Variants in NRG3 observed in about 807,000 individuals in gnomAD.
NRG3 encodes the protein pro-neuregulin-3, membrane-bound isoform.
Under a neutral mutation model 66.9 loss-of-function variants are expected in NRG3, and 31 were observed. That is an observed-to-expected ratio of 0.46 (90% CI 0.35 to 0.63). The LOEUF (loss-of-function observed/expected upper bound fraction) is 0.63. Among genes scored for constraint, NRG3 ranks in the 20% least tolerant of loss-of-function variants. NRG3 has a pLI of 0.00. For missense variants in NRG3, 910 were observed against 878.9 expected (o/e 1.04, Z -0.45); for synonymous variants, 393 against 359.4 (o/e 1.09, Z -1.06).
chr10:82,698,401 GAA>G (rs550209673), intron 2 of NRG3, among the ~76,000 whole-genome samples: 7 of 151,990 alleles, frequency 4.6e-5, no homozygotes, highest in African/African-American at 1.7e-4. Flanking sequence ...CTTAACAGGG[GAA>G]AAAGTCTACT....
intron 1 of NRG3, among the ~76,000 whole-genome samples, chr10:82,273,541 A>T (rs555877926): frequency 6.6e-6 from 1 of 152,200 alleles, no homozygotes; most frequent in African/African-American, 2.4e-5. Context: ...GCCATTTGAA[A>T]TTGCAATAAT....
intron 1 of NRG3, among the ~76,000 whole-genome samples, chr10:82,294,743 A>AT (rs955877022): frequency 3.3e-4 from 50 of 152,176 alleles, no homozygotes; most frequent in African/African-American, 1.1e-3. Flanking sequence ...GTCTACTCAC[A>AT]TTTCTTTATT....
intron 2 of NRG3, among the ~76,000 whole-genome samples, chr10:82,614,009 T>A (rs1355034196): frequency 6.6e-6 from 1 of 151,962 alleles, no homozygotes; most frequent in Non-Finnish European, 1.5e-5. Flanking sequence ...TTCAAGCAAT[T>A]CTGCCTCAGC....
intron 2 of NRG3, among the ~76,000 whole-genome samples, chr10:82,674,051 T>C (rs1232390534): frequency 6.6e-6 from 1 of 152,062 alleles, no homozygotes; most frequent in African/African-American, 2.4e-5. Flanking sequence ...TATGATTTCT[T>C]GTACAAATGA....
chr10:82,480,395 G>T (rs911185595), intron 2 of NRG3, among the ~76,000 whole-genome samples: 7 of 152,116 alleles, frequency 4.6e-5, no homozygotes, highest in African/African-American at 1.4e-4. Flanking sequence ...AAATAAAAAG[G>T]ATGATATTTC....
At chr10:82,861,324 G>T (rs1029983218) in intron 3 of NRG3, among the ~76,000 whole-genome samples, 5 of 152,054 alleles carry the variant, frequency 3.3e-5, no homozygotes, top group East Asian at 1.9e-4. Flanking sequence ...AAATATAAAT[G>T]CCATCTTCCT....
In NRG3 at chr10:82,829,605, G is replaced by A. The variant is rs114147429; in HGVS notation, c.1028-35806G>A. On this transcript the variant is annotated intron_variant, in intron 3 of 8. Transcript: ENST00000372141. ...AACTAGGGAACCAATAGAGGCTTTT[G>A]ACTCATGGTCTGAGAAGATGAGAAA... Among the ~76,000 whole-genome samples, 1,433 of 152,228 alleles carry A rather than the reference G, an allele frequency of 9.4e-3. 17 individuals carry two copies. Among genetic ancestry groups the A allele is most frequent in the African/African-American group, 0.032 (1,314 of 41,540 alleles).
intron 1 of NRG3, among the ~76,000 whole-genome samples, chr10:82,342,122 TTTATG>T (rs1252546646): frequency 6.6e-6 from 1 of 151,764 alleles, no homozygotes; most frequent in Admixed American, 6.6e-5. Flanking sequence ...GAATATGGTA[TTTATG>T]TTATATATAT....
intron 1 of NRG3, among the ~76,000 whole-genome samples, chr10:82,050,480 A>G (rs2063539264): frequency 6.6e-6 from 1 of 151,800 alleles, no homozygotes; most frequent in Non-Finnish European, 1.5e-5. Flanking sequence ...GTTGTTCAGG[A>G]TTCTCATTGG....
intron 2 of NRG3, among the ~76,000 whole-genome samples, chr10:82,697,770 T>C (rs2246622): frequency 0.88 from 134,379 of 152,116 alleles, 59,633 homozygotes; most frequent in East Asian, 1. Flanking sequence ...TGCTGGTAGC[T>C]GGGTAGGGGC....
chr10:82,921,296 G>A (rs1846398215), intron 4 of NRG3, among the ~76,000 whole-genome samples: 1 of 152,052 alleles, frequency 6.6e-6, no homozygotes, highest in African/African-American at 2.4e-5. Flanking sequence ...AAAGTGTCAA[G>A]GTGATTAAAA....
chr10:82,758,201 CTG>C (rs1403823141), intron 3 of NRG3, among the ~76,000 whole-genome samples: 1 of 152,088 alleles, frequency 6.6e-6, no homozygotes, highest in Non-Finnish European at 1.5e-5. Context: ...CTCCCTGAAT[CTG>C]TGTTTTTCCA....
At chr10:82,234,544 G>T (rs1341682072) in intron 1 of NRG3, among the ~76,000 whole-genome samples, 1 of 152,108 alleles carries the variant, frequency 6.6e-6, no homozygotes, top group Non-Finnish European at 1.5e-5. Context: ...AACATTATAG[G>T]CAATCAAGGG....
intron 4 of NRG3, among the ~76,000 whole-genome samples, chr10:82,870,799 T>A (rs1841271570): frequency 6.6e-6 from 1 of 152,220 alleles, no homozygotes; most frequent in Non-Finnish European, 1.5e-5. Flanking sequence ...TGTTAAGAAT[T>A]CTTTGTATTT....
intron 1 of NRG3, among the ~76,000 whole-genome samples, chr10:82,148,263 C>T (rs1233717249): frequency 1.3e-5 from 2 of 151,970 alleles, no homozygotes; most frequent in Non-Finnish European, 2.9e-5. Flanking sequence ...TTTGGGAGGC[C>T]GAGGTGGGAG....
At chr10:82,842,711 T>A (rs893386636) in intron 3 of NRG3, among the ~76,000 whole-genome samples, 4 of 152,112 alleles carry the variant, frequency 2.6e-5, no homozygotes, top group Non-Finnish European at 5.9e-5. Flanking sequence ...CTGAATCCCA[T>A]GTTTTTATTT....
At chr10:82,919,304 A>G in intron 4 of NRG3, among the ~76,000 whole-genome samples, 1 of 152,152 alleles carries the variant, frequency 6.6e-6, no homozygotes, top group East Asian at 1.9e-4. Flanking sequence ...TGACGGAGAT[A>G]TGCTCCAAGA....
intron 1 of NRG3, among the ~76,000 whole-genome samples, chr10:81,997,559 A>G (rs1011133299): frequency 3.3e-5 from 5 of 152,124 alleles, no homozygotes; most frequent in African/African-American, 7.2e-5. Flanking sequence ...CCGAATTCCA[A>G]TTAGCCCAGT....
intron 1 of NRG3, among the ~76,000 whole-genome samples, chr10:82,113,343 C>T (rs2067503614): frequency 6.6e-6 from 1 of 152,126 alleles, no homozygotes; most frequent in South Asian, 2.1e-4. Context: ...GTCCCAGAGC[C>T]CCCGCTCCTG....
Sources: allele counts gnomAD v4.1 joint callset (sites outside exome capture counted in the v4.1 genomes callset), GRCh38; gene constraint gnomAD v4.1.1; transcripts MANE v1.5; gene names NCBI Gene and HGNC (gene_info 2026-07-23, HGNC 2026-07-21).